TAS1R1: variants seen among roughly 807,000 people sequenced by gnomAD.
TAS1R1 encodes taste 1 receptor member 1, also known as taste receptor type 1 member 1.
In TAS1R1, 31 loss-of-function variants were observed where a neutral mutation model predicts 45.8. The ratio of observed to expected loss-of-function variants is 0.68; its 90% CI spans 0.51 to 0.91. The LOEUF is 0.91. Among genes scored for constraint, TAS1R1 ranks in the 40% least tolerant of loss-of-function variants. The probability of loss-of-function intolerance (pLI) is 0.00; values close to 1 mark genes in which losing one functional copy is unlikely to be tolerated. For missense variants in TAS1R1, 1,051 were observed against 1,063.9 expected (o/e 0.99, Z 0.17); for synonymous variants, 437 against 448.4 (o/e 0.97, Z 0.32).
intron 4 of TAS1R1, 125 bp from the exon 5 acceptor site, chr1:6,576,825 C>A: frequency 6.6e-7 from 1 of 1,514,934 alleles, no homozygotes; most frequent in Non-Finnish European, 9.0e-7. Context: ...GAAGTTCACA[C>A]GACCAGGGGC....
At chr1:6,558,997 T>C (rs1639734479) in intron 1 of TAS1R1, among the ~76,000 whole-genome samples, 1 of 148,780 alleles carries the variant, frequency 6.7e-6, no homozygotes, top group African/African-American at 2.5e-5. Context: ...TTTCACATCA[T>C]TCTCCTGCCT....
chr1:6,569,730 G>A (rs564133596), intron 1 of TAS1R1, among the ~76,000 whole-genome samples: 12 of 152,260 alleles, frequency 7.9e-5, no homozygotes, highest in South Asian at 4.1e-4. Context: ...TGAGACAGGC[G>A]TCCCTGAAAT....
chr1:6,578,868 C>G lies in TAS1R1; in HGVS notation c.1810C>G (p.Leu604Val). The change falls in exon 6 of 6, where the codon CTG becomes GTG. Residue 604 changes from leucine to valine, a missense_variant. Leu to Val is a conservative substitution (Grantham distance 32). Coordinates refer to ENST00000333172, the MANE Select transcript of TAS1R1 (RefSeq NM_138697.4). ...TPVVRSAGGR[L>V]CFLMLGSLAA... is the part of the protein sequence containing the mutation. Reference sequence around the variant, plus strand: ...TGTGGTGAGGTCAGCAGGGGGCCGCCTGTGCTTTCTTATGCTGGGCTCCCT... The same window carrying G: ...TGTGGTGAGGTCAGCAGGGGGCCGCGTGTGCTTTCTTATGCTGGGCTCCCT... The G allele has an allele frequency of 2.5e-6, 4 of 1,609,106 alleles. No homozygotes were observed. The highest frequency in any genetic ancestry group is 3.4e-6 in the Non-Finnish European group (4 of 1,176,424).
In TAS1R1 at chr1:6,571,062, G is replaced by A. The variant is rs375985047; in HGVS notation, c.345G>A (p.Thr115=). The A allele has an allele frequency of 3.5e-5, 57 of 1,614,052 alleles. No homozygotes were observed. Among genetic ancestry groups the A allele is most frequent in the African/African-American group, 1.6e-4 (12 of 74,914 alleles). Residue 115 remains threonine (T), a synonymous_variant, in exon 2 of 6, where the codon ACG becomes ACA. Coordinates refer to ENST00000333172, the MANE Select transcript of TAS1R1 (RefSeq NM_138697.4). ...VCSDSANVYA[T]LRVLSLPGQH... ...CTGACTCTGCCAATGTGTATGCCAC[G>A]CTGAGAGTGCTCTCCCTGCCAGGGC...
At chr1:6,578,446 A>G (rs1640248303) in intron 5 of TAS1R1, among the ~76,000 whole-genome samples, 2 of 151,952 alleles carry the variant, frequency 1.3e-5, no homozygotes, top group Non-Finnish European at 2.9e-5. Context: ...TACAGAACCG[A>G]CCTGTGTGTC....
intron 1 of TAS1R1, among the ~76,000 whole-genome samples, chr1:6,558,042 G>GT (rs71492343): frequency 0.79 from 116,916 of 147,542 alleles, 47,816 homozygotes; most frequent in Non-Finnish European, 0.88. Flanking sequence ...GTTAGTTTTT[G>GT]TTTTTGTTTT....
chr1:6,576,693 C>A, intron 4 of TAS1R1, 66 bp downstream of exon 4: 1 of 1,574,238 alleles, frequency 6.4e-7, no homozygotes, highest in Non-Finnish European at 8.7e-7. Flanking sequence ...GGGGGTGATG[C>A]TGACACAGTG....
At chr1:6,556,817 T>A (rs1445167942) in intron 1 of TAS1R1, among the ~76,000 whole-genome samples, 4 of 151,846 alleles carry the variant, frequency 2.6e-5, no homozygotes, top group African/African-American at 9.7e-5. Context: ...AAGATCAGTC[T>A]GGCCAACATA....
intron 1 of TAS1R1, among the ~76,000 whole-genome samples, chr1:6,568,459 AAG>A (rs1639921927): frequency 6.7e-6 from 1 of 148,564 alleles, no homozygotes; most frequent in African/African-American, 2.5e-5. Context: ...CGTCTCAAAA[AAG>A]AAAAAAAAAA....
intron 1 of TAS1R1, among the ~76,000 whole-genome samples, chr1:6,558,786 T>C (rs1467642355): frequency 2.0e-5 from 3 of 151,854 alleles, no homozygotes; most frequent in African/African-American, 7.2e-5. Context: ...TGCTGCGATC[T>C]TGGCTCACTG....
intron 2 of TAS1R1, among the ~76,000 whole-genome samples, chr1:6,573,660 T>A (rs953746919): frequency 3.3e-5 from 5 of 151,486 alleles, no homozygotes; most frequent in Non-Finnish European, 5.9e-5. Context: ...TTATTTATTT[T>A]TATTTTTATT....
Position 6,578,749 on chromosome 1 carries a change from A to G in TAS1R1, c.1691A>G (p.Glu564Gly), listed in dbSNP as rs1640266633. 1 of 1,613,886 alleles carries G rather than the reference A, an allele frequency of 6.2e-7. No individual in the cohort carries two copies. The change falls in exon 6 of 6, where the codon GAG becomes GGG. Residue 564 changes from glutamate (E) to glycine (G), a missense_variant. Transcript: ENST00000333172. ...PRTVVFLALR[E>G]HTSWVLLAAN... is the part of the protein sequence containing the mutation. ...ACTGTGGTGTTTTTGGCTTTGCGTGAGCACACCTCTTGGGTGCTGCTGGCA... is the reference window on the plus strand; with the variant it reads ...ACTGTGGTGTTTTTGGCTTTGCGTGGGCACACCTCTTGGGTGCTGCTGGCA...
chr1:6,560,726 T>C (rs537600515), intron 1 of TAS1R1, among the ~76,000 whole-genome samples: 1 of 152,296 alleles, frequency 6.6e-6, no homozygotes, highest in Non-Finnish European at 1.5e-5. Flanking sequence ...CTCACGCCTG[T>C]AATCCCAGCA....
At position 6,578,858 on chromosome 1, in the gene TAS1R1, A is replaced by AGG. The variant is rs1276200715; in HGVS notation, c.1804_1805dup (p.Arg603AlafsTer48). The AGG allele has an allele frequency of 1.2e-6, 2 of 1,609,854 alleles. No individual in the cohort carries two copies. The highest frequency in any genetic ancestry group is 4.5e-5 in the East Asian group (2 of 44,772). On this transcript the variant is annotated frameshift_variant, in exon 6 of 6. Coordinates refer to ENST00000333172, the MANE Select transcript of TAS1R1 (RefSeq NM_138697.4). LOFTEE classifies it low-confidence loss of function (END_TRUNC). Reference sequence around the variant, plus strand: ...TAGACACCCCTGTGGTGAGGTCAGCAGGGGGCCGCCTGTGCTTTCTTATGC... The same window carrying AGG: ...TAGACACCCCTGTGGTGAGGTCAGCAGGGGGGGCCGCCTGTGCTTTCTTATGC...
intron 1 of TAS1R1, 66 bp downstream of exon 1, chr1:6,555,630 A>T (rs925745): frequency 2.3e-4 from 332 of 1,446,300 alleles, no homozygotes; most frequent in Non-Finnish European, 2.8e-4. Flanking sequence ...TCTGGCTGCC[A>T]TCCTCCAAAC....
At chr1:6,558,275 C>T (rs766921676) in intron 1 of TAS1R1, among the ~76,000 whole-genome samples, 8 of 152,046 alleles carry the variant, frequency 5.3e-5, no homozygotes, top group Non-Finnish European at 8.8e-5. Context: ...TGAGCTCAAG[C>T]AGTCCTCTCA....
At chr1:6,560,532 G>T (rs989671988) in intron 1 of TAS1R1, among the ~76,000 whole-genome samples, 1 of 152,082 alleles carries the variant, frequency 6.6e-6, no homozygotes, top group Admixed American at 6.6e-5. Context: ...CGGAGGGCCT[G>T]CAGATGGTGA....
chr1:6,568,398 T>C (rs1639919772), intron 1 of TAS1R1, among the ~76,000 whole-genome samples: 1 of 148,870 alleles, frequency 6.7e-6, no homozygotes, highest in Non-Finnish European at 1.5e-5. Context: ...GAGCTTGCAG[T>C]GAGCCGAGAT....
rs61740593 is a variant in TAS1R1, at chr1:6,576,995, C to G, written c.1519C>G (p.Arg507Gly). Reference protein sequence around the residue: ...CSSDCLEGHQRVVTGFHHCCF... With the variant: ...CSSDCLEGHQGVVTGFHHCCF... ...CAGCGACTGTCTTGAAGGGCACCAG[C>G]GAGTGGTTACGGGTTTCCATCACTG... Residue 507 changes from arginine to glycine, a missense_variant, in exon 5 of 6, where the codon CGA (arginine) becomes GGA (glycine). Coordinates refer to ENST00000333172, the MANE Select transcript of TAS1R1 (RefSeq NM_138697.4). 876 of 1,614,254 alleles carry G rather than the reference C, an allele frequency of 5.4e-4. 4 individuals are homozygous for G. The African/African-American group carries it at 0.011, about 19-fold the overall frequency.
Sources: gnomAD v4.1 joint callset for allele counts (sites outside exome capture counted in the v4.1 genomes callset) on GRCh38, gnomAD v4.1.1 for gene constraint, MANE v1.5 for transcripts, NCBI Gene and HGNC (gene_info 2026-07-23, HGNC 2026-07-21) for gene names.